Variants in TRIM55 observed in about 807,000 individuals in gnomAD.
The protein encoded by TRIM55 is tripartite motif containing 55.
In TRIM55, 50 loss-of-function variants were observed where a neutral mutation model predicts 60.9. That is an observed-to-expected ratio of 0.82 (90% CI 0.65 to 1.04). The LOEUF (loss-of-function observed/expected upper bound fraction) is 1.04, where lower values mean the gene tolerates loss of function less well. Among genes scored for constraint, TRIM55 ranks in the 50% least tolerant of loss-of-function variants. TRIM55 has a pLI of 0.00. For synonymous variants in TRIM55, 237 were observed against 238.1 expected (o/e 1.00, Z 0.04); for missense variants, 681 against 666.9 (o/e 1.02, Z -0.23).
At position 66,158,823 on chromosome 8, in the gene TRIM55, T is replaced by TA. The variant is rs1435240939; in HGVS notation, c.1524+4490dup. On this transcript the variant is annotated intron_variant, in intron 9 of 9. Coordinates refer to ENST00000315962, the MANE Select transcript of TRIM55 (RefSeq NM_184085.2). ...CCAAACCATTTTCCAGATTTCTCCC[T>TA]AGGCACTCATTTAGCTGAATGTTTA... Among the ~76,000 whole-genome samples the TA allele has an allele frequency of 3.3e-5, 5 of 152,340 alleles. No individual in the cohort carries two copies. In the East Asian group the frequency reaches 9.6e-4, roughly 29 times the overall value.
At chr8:66,116,726 A>G in the TRIM55 span, among the ~76,000 whole-genome samples, 6 of 73,494 alleles carry the variant, frequency 8.2e-5, no homozygotes, top group Admixed American at 9.1e-4. Flanking sequence ...GAATTCTACC[A>G]AACAATTAAG....
At position 66,135,029 on chromosome 8, in the gene TRIM55, T is replaced by C. The variant is rs780838381; in HGVS notation, c.381T>C (p.His127=). The change falls in exon 3 of 10, where the codon CAT becomes CAC. Residue 127 remains histidine (H), a synonymous_variant. Coordinates refer to ENST00000315962, the MANE Select transcript of TRIM55 (RefSeq NM_184085.2). The stretch of plus-strand genomic sequence containing the variant: ...CCGACCAGCCCATGTGCGAGGAACA[T>C]GAAGAGGAGCGCATCAACATCTACT... ...KKSDQPMCEE[H]EEERINIYCL... 6.8e-6 allele frequency: 11 copies of C among 1,614,038 alleles called. No homozygotes were observed. In the Admixed American group the frequency reaches 1.0e-4, roughly 15 times the overall value.
intron 9 of TRIM55, among the ~76,000 whole-genome samples, chr8:66,163,835 T>C (rs960005563): frequency 1.3e-5 from 2 of 152,250 alleles, no homozygotes; most frequent in Non-Finnish European, 2.9e-5. Flanking sequence ...ATATGGATTT[T>C]CAGTTTACCT....
chr8:66,128,890 C>T (rs1334994755), intron 2 of TRIM55, among the ~76,000 whole-genome samples: 4 of 152,168 alleles, frequency 2.6e-5, no homozygotes, highest in Non-Finnish European at 4.4e-5. Context: ...ATAGAAATGG[C>T]ATCTTCCGAA....
chr8:66,113,393 G>A, the TRIM55 span: 3 of 406,522 alleles, frequency 7.4e-6, no homozygotes, highest in South Asian at 3.6e-5. Context: ...TGGTAGAGCG[G>A]AGGACTGTAG....
chr8:66,153,649 A>G (rs1586223865), intron 8 of TRIM55, among the ~76,000 whole-genome samples: 1 of 152,178 alleles, frequency 6.6e-6, no homozygotes, highest in Non-Finnish European at 1.5e-5. Flanking sequence ...GATTTGATCA[A>G]TAAGATTAAT....
In TRIM55 at chr8:66,128,432, G is replaced by T. The variant is rs560212457; in HGVS notation, c.297G>T (p.Leu99=). ...GGGTATATGGACTTCAGAGGAACCT[G>T]CTGGTGGAAAATATCATTGACATCT... ...RHGVYGLQRN[L]LVENIIDIYK... is the part of the protein sequence containing the mutation. The change falls in exon 2 of 10, where the codon CTG becomes CTT. Residue 99 remains leucine, a synonymous_variant. Coordinates refer to ENST00000315962, the MANE Select transcript of TRIM55 (RefSeq NM_184085.2). 1.7e-5 allele frequency: 28 copies of T among 1,613,824 alleles called. No homozygotes were observed. The African/African-American group carries it at 3.6e-4, about 21-fold the overall frequency.
At chr8:66,139,102 A>G (rs1394991029) in intron 4 of TRIM55, among the ~76,000 whole-genome samples, 1 of 152,242 alleles carries the variant, frequency 6.6e-6, no homozygotes, top group African/African-American at 2.4e-5. Flanking sequence ...AGATTAGGAA[A>G]CAGACAGTAC....
the TRIM55 span, among the ~76,000 whole-genome samples, chr8:66,117,031 A>G: frequency 6.6e-6 from 1 of 152,268 alleles, no homozygotes; most frequent in Admixed American, 6.5e-5. Flanking sequence ...AACAGATTAA[A>G]GAAAAAAAAT....
At chr8:66,128,528 G>C (rs1808960249) in intron 2 of TRIM55, 52 bp downstream of exon 2, 17 of 1,571,292 alleles carry the variant, frequency 1.1e-5, no homozygotes, top group Non-Finnish European at 1.4e-5. Flanking sequence ...ACTTGTTTTT[G>C]TTTGTTTGTT....
At chr8:66,152,238 AC>A in intron 7 of TRIM55, 138 bp from the exon 8 acceptor site, 1 of 1,205,938 alleles carries the variant, frequency 8.3e-7, no homozygotes, top group Non-Finnish European at 1.1e-6. Flanking sequence ...GGCACGGCAC[AC>A]TTGGACCATT....
rs1367968620 is a variant in TRIM55 at position 66,127,405 on chromosome 8, T to C, written c.137T>C (p.Leu46Pro). The C allele has an allele frequency of 1.2e-6, 2 of 1,614,106 alleles. No individual in the cohort carries two copies. The highest frequency in any genetic ancestry group is 1.3e-5 in the African/African-American group (1 of 75,026). ...GTGATTCTCCCTTGTCAGCACAACC[T>C]GTGTAGGAAATGTGCCAGTGATATT... Reference protein sequence around the residue: ...PVVILPCQHNLCRKCASDIFQ... With the variant: ...PVVILPCQHNPCRKCASDIFQ... Residue 46 changes from leucine (L) to proline (P), a missense_variant, in exon 1 of 10, where the codon CTG becomes CCG. Transcript: ENST00000315962.
At chr8:66,164,742 C>A (rs910387522) in intron 9 of TRIM55, among the ~76,000 whole-genome samples, 13 of 152,206 alleles carry the variant, frequency 8.5e-5, no homozygotes, top group African/African-American at 3.1e-4. Context: ...CTACTATAGG[C>A]AGATGCAGTG....
upstream of TRIM55, among the ~76,000 whole-genome samples, chr8:66,122,438 C>T (rs1034099158): frequency 2.6e-5 from 4 of 152,162 alleles, no homozygotes; most frequent in African/African-American, 9.7e-5. Context: ...TGATTGATGT[C>T]TCATGTCTCC....
chr8:66,124,286 GC>G (rs1489416603), upstream of TRIM55, among the ~76,000 whole-genome samples: 1 of 152,168 alleles, frequency 6.6e-6, no homozygotes, highest in Non-Finnish European at 1.5e-5. Context: ...ACCAACCACT[GC>G]TCTCACGGAA....
the TRIM55 span, among the ~76,000 whole-genome samples, chr8:66,119,073 G>C: frequency 6.6e-6 from 1 of 152,196 alleles, no homozygotes; most frequent in South Asian, 2.1e-4. Flanking sequence ...TGACCTGAAA[G>C]TCTTGGTCCA....
intron 7 of TRIM55, among the ~76,000 whole-genome samples, chr8:66,151,775 C>T (rs573295270): frequency 9.9e-5 from 15 of 151,776 alleles, no homozygotes; most frequent in Non-Finnish European, 1.8e-4. Context: ...ACCCAGGAAG[C>T]GGAGGTTCCA....
At chr8:66,151,779 G>C (rs927318134) in intron 7 of TRIM55, among the ~76,000 whole-genome samples, 3 of 151,976 alleles carry the variant, frequency 2.0e-5, no homozygotes, top group African/African-American at 7.3e-5. Flanking sequence ...AGGAAGCGGA[G>C]GTTCCAGTGA....
the TRIM55 span, among the ~76,000 whole-genome samples, chr8:66,121,614 G>A: frequency 5.3e-5 from 8 of 152,308 alleles, no homozygotes; most frequent in East Asian, 1.5e-3. Context: ...AATCCCAGGT[G>A]GTCAGCTGTT....
Sources: gnomAD v4.1 joint callset for allele counts (sites outside exome capture counted in the v4.1 genomes callset) on GRCh38, gnomAD v4.1.1 for gene constraint, MANE v1.5 for transcripts, NCBI Gene and HGNC (gene_info 2026-07-23, HGNC 2026-07-21) for gene names.